FAM78B: variants seen among roughly 807,000 people sequenced by gnomAD.
FAM78B encodes the protein protein FAM78B.
A neutral mutation model predicts 20.0 loss-of-function variants in FAM78B; 10 were observed. The ratio of observed to expected loss-of-function variants is 0.50; its 90% CI spans 0.31 to 0.85. The LOEUF (loss-of-function observed/expected upper bound fraction) is 0.85. FAM78B is among the 40% of genes least tolerant of loss of function. The probability of loss-of-function intolerance (pLI) is 0.05; values close to 1 mark genes in which losing one functional copy is unlikely to be tolerated. For synonymous variants in FAM78B, 135 were observed against 132.8 expected (o/e 1.02, Z -0.12); for missense variants, 283 against 345.0 (o/e 0.82, Z 1.42).
chr1:166,165,889 G>T, intron 1 of FAM78B, 97 bp downstream of exon 1: 3 of 1,411,486 alleles, frequency 2.1e-6, no homozygotes, highest in South Asian at 1.2e-5. Context: ...AAAGACGATG[G>T]GGACAGCAGT....
intron 1 of FAM78B, among the ~76,000 whole-genome samples, chr1:166,117,358 TTTTC>T (rs1654299821): frequency 6.6e-6 from 1 of 152,142 alleles, no homozygotes; most frequent in African/African-American, 2.4e-5. Flanking sequence ...TTTTCTCTTT[TTTTC>T]TTTTATTATT....
chr1:166,142,393 C>A (rs185032319), intron 1 of FAM78B, among the ~76,000 whole-genome samples: 1 of 152,260 alleles, frequency 6.6e-6, no homozygotes, highest in Admixed American at 6.5e-5. Flanking sequence ...GGCTAGGACA[C>A]GGGGCAGCAG....
At chr1:166,107,222 T>C (rs1048822292) in intron 1 of FAM78B, among the ~76,000 whole-genome samples, 2 of 152,202 alleles carry the variant, frequency 1.3e-5, no homozygotes, top group Middle Eastern at 3.4e-3. Context: ...GCTGGTTCTT[T>C]GAAAAGATAA....
chr1:166,140,059 G>C (rs1056043388), intron 1 of FAM78B, among the ~76,000 whole-genome samples: 2 of 152,218 alleles, frequency 1.3e-5, no homozygotes, highest in Non-Finnish European at 2.9e-5. Context: ...AAATGAGCAG[G>C]AACGAGCTTA....
chr1:166,096,653 G>A (rs1025131579), intron 1 of FAM78B, among the ~76,000 whole-genome samples: 1 of 152,192 alleles, frequency 6.6e-6, no homozygotes, highest in South Asian at 2.1e-4. Context: ...CTGTCCTGAT[G>A]TAGTGAGAGA....
At chr1:166,084,239 T>TACACACACACACACA (rs1557893568) in intron 1 of FAM78B, among the ~76,000 whole-genome samples, 1,437 of 67,808 alleles carry the variant, frequency 0.021, 20 homozygotes, top group African/African-American at 0.065. Flanking sequence ...ACACACACAC[T>TACACACACACACACA]CTCTCTCTCT....
chr1:166,153,982 A>G (rs182796315), intron 1 of FAM78B, among the ~76,000 whole-genome samples: 2 of 152,300 alleles, frequency 1.3e-5, no homozygotes, highest in Admixed American at 6.5e-5. Flanking sequence ...AAATGCCTCA[A>G]TAAAACAAAA....
intron 1 of FAM78B, among the ~76,000 whole-genome samples, chr1:166,099,409 T>G (rs1420832707): frequency 6.6e-6 from 1 of 152,198 alleles, no homozygotes; most frequent in Non-Finnish European, 1.5e-5. Context: ...ATGCAACTAG[T>G]ACCTCACAAA....
At chr1:166,110,924 C>T (rs1232550566) in intron 1 of FAM78B, among the ~76,000 whole-genome samples, 2 of 152,168 alleles carry the variant, frequency 1.3e-5, no homozygotes, top group Non-Finnish European at 1.5e-5. Context: ...GTCTGTGCCC[C>T]TATAAATGTA....
intron 1 of FAM78B, among the ~76,000 whole-genome samples, chr1:166,086,311 T>G (rs188229187): frequency 1.3e-5 from 2 of 152,234 alleles, no homozygotes; most frequent in Admixed American, 1.3e-4. Flanking sequence ...TCCTCATAGG[T>G]GACACTAGAG....
At chr1:166,142,533 A>AAT (rs1655317701) in intron 1 of FAM78B, among the ~76,000 whole-genome samples, 3 of 152,238 alleles carry the variant, frequency 2.0e-5, no homozygotes, top group Admixed American at 1.3e-4. Context: ...CTAAGTGGGA[A>AAT]AAGAGGAAGA....
At chr1:166,109,827 T>C (rs1456462982) in intron 1 of FAM78B, among the ~76,000 whole-genome samples, 3 of 16,850 alleles carry the variant, frequency 1.8e-4, no homozygotes, top group South Asian at 2.2e-3. Flanking sequence ...TATATATATA[T>C]ATATGTATAT....
chr1:166,109,882 GTATATATGTATATATA>G lies in FAM78B; in HGVS notation c.264-39135_264-39120del, dbSNP rs1337264448. Among the ~76,000 whole-genome samples, 61 of 12,270 alleles carry G rather than the reference GTATATATGTATATATA, an allele frequency of 5.0e-3. 9 individuals carry two copies. Among genetic ancestry groups the G allele is most frequent in the African/African-American group, 8.9e-3 (58 of 6,490 alleles). 8.0% of individuals were successfully genotyped at this position (12,270 alleles called of 152,430 possible). A position where few individuals can be genotyped will look rare whatever the true frequency, so the allele number is the denominator to read the frequency against. On this transcript the variant is annotated intron_variant, in intron 1 of 1. Transcript: ENST00000354422. The stretch of plus-strand genomic sequence containing the variant: ...TATATGTATGTGTATATATATATAT[GTATATATGTATATATA>G]TATATATATATATATATATATAATG...
intron 1 of FAM78B, among the ~76,000 whole-genome samples, chr1:166,105,644 A>G (rs1266255072): frequency 6.6e-6 from 1 of 152,238 alleles, no homozygotes; most frequent in Non-Finnish European, 1.5e-5. Flanking sequence ...TGCAAATCAA[A>G]ACCACAATGA....
chr1:166,094,327 C>T (rs1653193390), intron 1 of FAM78B, among the ~76,000 whole-genome samples: 1 of 152,134 alleles, frequency 6.6e-6, no homozygotes, highest in Non-Finnish European at 1.5e-5. Flanking sequence ...AGGCTACCAC[C>T]CTGCTTTGGG....
chr1:166,150,559 G>C (rs1263407893), intron 1 of FAM78B, among the ~76,000 whole-genome samples: 1 of 152,156 alleles, frequency 6.6e-6, no homozygotes, highest in Admixed American at 6.5e-5. Flanking sequence ...CACAACTCAA[G>C]AGGTAAGCAG....
intron 1 of FAM78B, chr1:166,081,033 C>T (rs1652548431): frequency 6.6e-6 from 1 of 152,198 alleles, no homozygotes; most frequent in South Asian, 2.1e-4. Flanking sequence ...TTAGGATTTT[C>T]CTCATTCCGC....
At chr1:166,157,485 TA>T (rs1406502443) in intron 1 of FAM78B, among the ~76,000 whole-genome samples, 1 of 151,790 alleles carries the variant, frequency 6.6e-6, no homozygotes, top group Admixed American at 6.6e-5. Flanking sequence ...AACCAGCAGC[TA>T]AATCTTCCAC....
intron 1 of FAM78B, among the ~76,000 whole-genome samples, chr1:166,111,588 A>G (rs763191730): frequency 3.9e-5 from 6 of 152,170 alleles, no homozygotes; most frequent in African/African-American, 7.2e-5. Context: ...TGGGAATATC[A>G]CTTCCTTTTG....
Sources: gnomAD v4.1 joint callset for allele counts (sites outside exome capture counted in the v4.1 genomes callset) on GRCh38, gnomAD v4.1.1 for gene constraint, MANE v1.5 for transcripts, NCBI Gene and HGNC (gene_info 2026-07-23, HGNC 2026-07-21) for gene names.